The following RRH variants were observed in gnomAD, a reference collection of about 807,000 sequenced individuals.
RRH encodes the protein retinal pigment epithelium-derived rhodopsin homolog, also known as visual pigment-like receptor peropsin.
RRH carries 36 observed loss-of-function variants against 33.1 expected under a neutral mutation model. That is an observed-to-expected ratio of 1.09 (90% CI 0.83 to 1.44). The LOEUF (loss-of-function observed/expected upper bound fraction) is 1.44. RRH is among the 40% of genes most tolerant of loss of function. RRH has a pLI of 0.00. For synonymous variants in RRH, 124 were observed against 140.2 expected, an observed-to-expected ratio of 0.88 and a Z score of 0.82; for missense variants, 393 against 420.2, an observed-to-expected ratio of 0.94 and a Z score of 0.57.
rs777194248 is a variant in RRH at position 109,833,206 on chromosome 4, A to G, written c.174A>G (p.Thr58=). The G allele has an allele frequency of 2.5e-6, 4 of 1,613,974 alleles. No individual in the cohort carries two copies. The highest frequency in any genetic ancestry group is 3.4e-6 in the Non-Finnish European group (4 of 1,179,846). ...GIFIKYKELR[T]PTNAIIINLA... Reference sequence around the variant, plus strand: ...TCATTAAGTACAAGGAACTTCGGACACCCACAAATGCAATTATTATTAACC... The same window carrying G: ...TCATTAAGTACAAGGAACTTCGGACGCCCACAAATGCAATTATTATTAACC... Residue 58 remains threonine (T), a synonymous_variant, in exon 2 of 7, where the codon ACA becomes ACG. Coordinates refer to ENST00000317735, the MANE Select transcript of RRH (RefSeq NM_006583.5).
intron 1 of RRH, among the ~76,000 whole-genome samples, chr4:109,828,702 A>T (rs1164944736): frequency 6.6e-6 from 1 of 152,056 alleles, no homozygotes; most frequent in Non-Finnish European, 1.5e-5. Context: ...CAGAATGCTT[A>T]TTGGAAAACT....
rs763431221 is a variant in RRH, at chr4:109,827,985, C to G, written c.-43C>G. The stretch of plus-strand genomic sequence containing the variant: ...AGCTCATAAAGCAGTTCATAATTAT[C>G]GAAGGCTTATTATGAAGGGTGTTTC... On this transcript the variant is annotated 5_prime_UTR_variant, in exon 1 of 7. It adds an upstream start codon to the 5' untranslated region. Transcript: ENST00000317735. The G allele has an allele frequency of 8.0e-7, 1 of 1,245,714 alleles. No individual in the cohort carries two copies. The allele number at this position is 1,245,714 out of a possible 1,614,324, so 77.2% of individuals were successfully genotyped here. A position where few individuals can be genotyped will look rare whatever the true frequency, so the allele number is the denominator to read the frequency against.
chr4:109,828,799 A>G (rs1272334934), intron 1 of RRH, among the ~76,000 whole-genome samples: 2 of 152,062 alleles, frequency 1.3e-5, no homozygotes, highest in Admixed American at 1.3e-4. Flanking sequence ...TCATCTGTAA[A>G]ACAAGGATAA....
rs1360270420 is a variant in RRH, at chr4:109,828,223, ATAT to A, written c.106+95_106+97del. On this transcript the variant is annotated intron_variant, in intron 1 of 6. Transcript: ENST00000317735. Reference sequence around the variant, plus strand: ...TAAGGCATGCATTGTTTCAAGTTCCATATTATTGGCCAACCTTGACAAGTCATT... The same window carrying A: ...TAAGGCATGCATTGTTTCAAGTTCCATATTGGCCAACCTTGACAAGTCATT... The A allele has an allele frequency of 4.5e-6, 4 of 884,204 alleles. No individual in the cohort carries two copies. The African/African-American group carries it at 5.0e-5, about 11-fold the overall frequency. The allele number at this position is 884,204 out of a possible 1,614,324, so 54.8% of individuals were successfully genotyped here.
At chr4:109,838,088 T>C (rs1733922649) in intron 5 of RRH, among the ~76,000 whole-genome samples, 1 of 152,198 alleles carries the variant, frequency 6.6e-6, no homozygotes, top group Non-Finnish European at 1.5e-5. Context: ...CCACTTGCCT[T>C]CTTATTTCTG....
intron 2 of RRH, 103 bp downstream of exon 2, chr4:109,833,432 T>A (rs948110426): frequency 1.1e-6 from 1 of 898,296 alleles, no homozygotes; most frequent in Admixed American, 2.0e-5. Flanking sequence ...TATTGTAGAA[T>A]AATAGATACA....
intron 1 of RRH, among the ~76,000 whole-genome samples, chr4:109,830,643 G>A (rs1733729537): frequency 6.6e-6 from 1 of 152,160 alleles, no homozygotes; most frequent in South Asian, 2.1e-4. Context: ...AGTTCAGTTT[G>A]AGAGGTGTCC....
Position 109,844,231 on chromosome 4 carries a change from T to G in RRH, c.*34T>G. 1 of 1,334,846 alleles carries G rather than the reference T, an allele frequency of 7.5e-7. No individual in the cohort carries two copies. Among genetic ancestry groups the G allele is most frequent in the Non-Finnish European group, 1.1e-6 (1 of 926,874 alleles). 82.7% of individuals were successfully genotyped at this position (1,334,846 alleles called of 1,614,324 possible). A position where few individuals can be genotyped will look rare whatever the true frequency, so the allele number is the denominator to read the frequency against. On this transcript the variant is annotated 3_prime_UTR_variant, in exon 7 of 7. Coordinates refer to ENST00000317735, the MANE Select transcript of RRH (RefSeq NM_006583.5). ...AAAAGGACACACTATCAAAACACTT[T>G]AGTTTTTTGACAATGCTTTTCTTTT...
chr4:109,842,053 G>A (rs533444068), intron 5 of RRH, among the ~76,000 whole-genome samples: 2 of 152,158 alleles, frequency 1.3e-5, no homozygotes, highest in East Asian at 1.9e-4. Flanking sequence ...ATCCCAGTAA[G>A]AGCAAATAAT....
Position 109,844,081 on chromosome 4 carries a change from A to G in RRH, c.900-2A>G. 1.2e-6 allele frequency: 2 copies of G among 1,604,826 alleles called. No homozygotes were observed. Among genetic ancestry groups the G allele is most frequent in the Non-Finnish European group, 1.7e-6 (2 of 1,171,640 alleles). On this transcript the variant is annotated splice_acceptor_variant, in intron 6 of 6. Coordinates refer to ENST00000317735, the MANE Select transcript of RRH (RefSeq NM_006583.5). LOFTEE classifies it high-confidence loss of function. Reference sequence around the variant, plus strand: ...TGCCAGATTTTCCTTTTTTTATCGTAGGTTTCGGAGGGCAATGCTTGCCAT... The same window carrying G: ...TGCCAGATTTTCCTTTTTTTATCGTGGGTTTCGGAGGGCAATGCTTGCCAT...
intron 6 of RRH, among the ~76,000 whole-genome samples, chr4:109,843,866 CA>C (rs1474750909): frequency 6.6e-6 from 1 of 152,148 alleles, no homozygotes; most frequent in East Asian, 1.9e-4. Flanking sequence ...AGTTTCTCAA[CA>C]GGAAATCTAT....
intron 5 of RRH, among the ~76,000 whole-genome samples, chr4:109,840,791 G>A (rs1359473256): frequency 6.7e-6 from 1 of 150,352 alleles, no homozygotes; most frequent in East Asian, 1.9e-4. Flanking sequence ...TTAATGTCTG[G>A]TGGTCAGTGA....
Position 109,837,462 on chromosome 4 carries a change from G to T in RRH, c.577G>T (p.Val193Phe), listed in dbSNP as rs1348230881. 5.0e-6 allele frequency: 8 copies of T among 1,614,014 alleles called. No homozygotes were observed. The East Asian group carries it at 1.6e-4, about 31-fold the overall frequency. The change falls in exon 5 of 7, where the codon GTT (valine) becomes TTT (phenylalanine). Residue 193 changes from valine to phenylalanine, a missense_variant. Physicochemically the swap from Val to Phe is conservative, Grantham distance 50 (BLOSUM62 -1). Transcript: ENST00000317735. ...DRSFVSYTMT[V>F]IAINFIVPLT... is the part of the protein sequence containing the mutation. The stretch of plus-strand genomic sequence containing the variant: ...ATCTTTTGTGTCTTACACCATGACA[G>T]TTATTGCGATAAATTTTATTGTGCC...
In RRH at chr4:109,836,118, C is replaced by G; in HGVS notation, c.509C>G (p.Pro170Arg). Reference sequence around the variant, plus strand: ...GGGTGGGCTAGTTATGCCCCAGATCCTACTGGTGCTACGTGTACCATAAAC... The same window carrying G: ...GGGTGGGCTAGTTATGCCCCAGATCGTACTGGTGCTACGTGTACCATAAAC... ...IIGWASYAPD[P>R]TGATCTINWR... The change falls in exon 4 of 7, where the codon CCT (proline) becomes CGT (arginine). Residue 170 changes from proline to arginine, a missense_variant. Transcript: ENST00000317735. 6 of 1,614,138 alleles carry G rather than the reference C, an allele frequency of 3.7e-6. No homozygotes were observed. In the Admixed American group the frequency reaches 1.0e-4, roughly 27 times the overall value.
intron 1 of RRH, among the ~76,000 whole-genome samples, chr4:109,832,381 C>T: frequency 6.6e-6 from 1 of 151,020 alleles, no homozygotes; most frequent in Non-Finnish European, 1.5e-5. Context: ...AACTTGATTT[C>T]CAGAAACTTG....
chr4:109,834,322 T>C lies in RRH; in HGVS notation c.297+993T>C, dbSNP rs1396669063. 2.0e-5 allele frequency among the ~76,000 whole-genome samples: 3 copies of C among 147,300 alleles called. No homozygotes were observed. The East Asian group carries it at 6.3e-4, about 31-fold the overall frequency. ...GACCTTTGTTGCCATTTTTTTTCTTTTCCTTTTTTTTTTTTTTTTTTATTT... is the reference window on the plus strand; with the variant it reads ...GACCTTTGTTGCCATTTTTTTTCTTCTCCTTTTTTTTTTTTTTTTTTATTT... On this transcript the variant is annotated intron_variant, in intron 2 of 6. Transcript: ENST00000317735.
chr4:109,844,517 A>G lies in RRH; in HGVS notation c.*320A>G, dbSNP rs980578048. 1.7e-5 allele frequency: 3 copies of G among 175,266 alleles called. No homozygotes were observed. In the Admixed American group the frequency reaches 1.7e-4, roughly 10 times the overall value. The allele number at this position is 175,266 out of a possible 1,614,324, so 10.9% of individuals were successfully genotyped here. ...TAACTTGCCTGGCTCCTCCATTAGA[A>G]TAAAAGCAGTCACTAATTTAATGTT... On this transcript the variant is annotated 3_prime_UTR_variant, in exon 7 of 7. Coordinates refer to ENST00000317735, the MANE Select transcript of RRH (RefSeq NM_006583.5).
In RRH at chr4:109,836,002, A is replaced by G; in HGVS notation, c.398-5A>G. On this transcript the variant is annotated splice_region_variant and splice_polypyrimidine_tract_variant and intron_variant, in intron 3 of 6. Coordinates refer to ENST00000317735, the MANE Select transcript of RRH (RefSeq NM_006583.5). The stretch of plus-strand genomic sequence containing the variant: ...GTTGCTAATATTTCCTGTGCTTGAT[A>G]ATAGGGAGAAGAATGACCACCAACA... The G allele has an allele frequency of 1.2e-6, 2 of 1,614,168 alleles. No homozygotes were observed. The highest frequency in any genetic ancestry group is 2.2e-5 in the East Asian group (1 of 44,872).
intron 5 of RRH, among the ~76,000 whole-genome samples, chr4:109,838,142 A>T (rs570301763): frequency 1.5e-4 from 23 of 151,756 alleles, no homozygotes; most frequent in Non-Finnish European, 2.8e-4. Flanking sequence ...GTTGGTCATC[A>T]TCTCTTGATT....
Sources: gnomAD v4.1 joint callset for allele counts (sites outside exome capture counted in the v4.1 genomes callset) on GRCh38, gnomAD v4.1.1 for gene constraint, MANE v1.5 for transcripts, NCBI Gene and HGNC (gene_info 2026-07-23, HGNC 2026-07-21) for gene names.